The following NFIA variants were observed in gnomAD, a reference collection of about 807,000 sequenced individuals.
NFIA encodes the protein nuclear factor 1 A-type.
In NFIA, 8 loss-of-function variants were observed where a neutral mutation model predicts 62.8. That is an observed-to-expected ratio of 0.13 (90% CI 0.07 to 0.23). The LOEUF (loss-of-function observed/expected upper bound fraction) is 0.23, where lower values mean the gene tolerates loss of function less well. Ranked by LOEUF, NFIA falls within the 10% of genes least tolerant of loss-of-function variation. The pLI, the probability that NFIA is intolerant of heterozygous loss-of-function variation, is 1.00. For synonymous variants in NFIA, 235 were observed against 238.1 expected, an observed-to-expected ratio of 0.99 and a Z score of 0.12; for missense variants, 410 against 642.1, an observed-to-expected ratio of 0.64 and a Z score of 3.91.
chr1:61,202,319 G>C (rs1454332728), intron 2 of NFIA, among the ~76,000 whole-genome samples: 1 of 152,098 alleles, frequency 6.6e-6, no homozygotes, highest in Non-Finnish European at 1.5e-5. Flanking sequence ...CCTTCACCTT[G>C]GTCAAAATAT....
intron 6 of NFIA, among the ~76,000 whole-genome samples, chr1:61,372,178 A>C (rs2100465321): frequency 6.6e-6 from 1 of 152,302 alleles, no homozygotes; most frequent in African/African-American, 2.4e-5. Context: ...GTGAATCATT[A>C]ACTCCAATAT....
At chr1:61,332,806 G>A (rs1661366217) in intron 4 of NFIA, among the ~76,000 whole-genome samples, 1 of 152,112 alleles carries the variant, frequency 6.6e-6, no homozygotes, top group African/African-American at 2.4e-5. Context: ...AAAATCCTGA[G>A]GGTCTCATAT....
At chr1:61,329,535 A>C (rs1661174828) in intron 3 of NFIA, among the ~76,000 whole-genome samples, 1 of 151,892 alleles carries the variant, frequency 6.6e-6, no homozygotes, top group South Asian at 2.1e-4. Context: ...GGCGCTCGCC[A>C]CCATGCCCAG....
rs1234825695 is a variant in NFIA at position 61,461,080 on chromosome 1, G to A, written c.*5760G>A. ...TTGATTTCAGAAATCAGTACCTGGC[G>A]AGATTTTTGTCTCAAAACGACTATT... On this transcript the variant is annotated 3_prime_UTR_variant, in exon 11 of 11. Coordinates refer to ENST00000403491, the MANE Select transcript of NFIA (RefSeq NM_001134673.4). 2.6e-5 allele frequency: 4 copies of A among 152,078 alleles called. No homozygotes were observed. The highest frequency in any genetic ancestry group is 7.2e-5 in the African/African-American group (3 of 41,404). 9.4% of individuals were successfully genotyped at this position (152,078 alleles called of 1,614,324 possible). A position where few individuals can be genotyped will look rare whatever the true frequency, so the allele number is the denominator to read the frequency against.
At chr1:61,193,745 G>A (rs897238804) in intron 2 of NFIA, among the ~76,000 whole-genome samples, 2 of 152,152 alleles carry the variant, frequency 1.3e-5, no homozygotes, top group Admixed American at 6.5e-5. Flanking sequence ...AATTCTGATG[G>A]TTAATGCATT....
Position 61,359,129 on chromosome 1 carries a change from A to T in NFIA, c.819-18A>T, listed in dbSNP as rs1663145148. 1 of 1,612,158 alleles carries T rather than the reference A, an allele frequency of 6.2e-7. No homozygotes were observed. The highest frequency in any genetic ancestry group is 8.5e-7 in the Non-Finnish European group (1 of 1,179,336). On this transcript the variant is annotated intron_variant, in intron 5 of 10. Coordinates refer to ENST00000403491, the MANE Select transcript of NFIA (RefSeq NM_001134673.4). ...TGGTTGCGATTGCTTTTAAACATGC[A>T]CCCATTTGTTATTTCAGCTCCACAA...
At chr1:61,148,124 G>C (rs576987412) in intron 2 of NFIA, among the ~76,000 whole-genome samples, 2 of 152,160 alleles carry the variant, frequency 1.3e-5, no homozygotes, top group African/African-American at 4.8e-5. Flanking sequence ...CTGAGACGTT[G>C]CTAACCCATC....
intron 10 of NFIA, among the ~76,000 whole-genome samples, chr1:61,450,212 A>G (rs1260041045): frequency 6.6e-6 from 1 of 152,224 alleles, no homozygotes; most frequent in Non-Finnish European, 1.5e-5. Flanking sequence ...CCTAGCACAT[A>G]GAAGGCCCTT....
At chr1:61,286,595 T>C (rs574251092) in intron 3 of NFIA, among the ~76,000 whole-genome samples, 1 of 152,282 alleles carries the variant, frequency 6.6e-6, no homozygotes, top group African/African-American at 2.4e-5. Flanking sequence ...ATTTATCAAA[T>C]ACACTCTAAG....
chr1:61,448,342 G>A (rs1667912465), intron 10 of NFIA, among the ~76,000 whole-genome samples: 1 of 152,172 alleles, frequency 6.6e-6, no homozygotes, highest in Non-Finnish European at 1.5e-5. Context: ...TGCAACTGGG[G>A]AAATGGAATT....
chr1:61,083,803 G>A (rs1646167771), intron 1 of NFIA, among the ~76,000 whole-genome samples: 1 of 151,170 alleles, frequency 6.6e-6, no homozygotes, highest in Non-Finnish European at 1.5e-5. Flanking sequence ...GCGCGACTCC[G>A]GCCGCTCCGC....
intron 10 of NFIA, among the ~76,000 whole-genome samples, chr1:61,443,661 T>G (rs954123253): frequency 1.3e-5 from 2 of 152,220 alleles, no homozygotes; most frequent in African/African-American, 4.8e-5. Context: ...GAGGTTACAG[T>G]TACTATTAGT....
At chr1:61,083,377 C>T (rs917698851) in intron 1 of NFIA, among the ~76,000 whole-genome samples, 7 of 152,128 alleles carry the variant, frequency 4.6e-5, no homozygotes, top group African/African-American at 1.4e-4. Context: ...GCTGCCGCAG[C>T]CCCCCGCCGT....
At chr1:61,365,054 G>C (rs1206699806) in intron 6 of NFIA, among the ~76,000 whole-genome samples, 1 of 152,184 alleles carries the variant, frequency 6.6e-6, no homozygotes, top group Non-Finnish European at 1.5e-5. Flanking sequence ...ATGCATAATG[G>C]TGTGTGCCCG....
chr1:61,109,489 G>A (rs991486426), intron 2 of NFIA, among the ~76,000 whole-genome samples: 1 of 61,196 alleles, frequency 1.6e-5, no homozygotes, highest in African/African-American at 4.3e-5. Context: ...AATCTCTTAT[G>A]AGTATTTTTT....
chr1:61,183,181 C>G (rs1650872745), intron 2 of NFIA, among the ~76,000 whole-genome samples: 1 of 152,008 alleles, frequency 6.6e-6, no homozygotes, highest in Non-Finnish European at 1.5e-5. Flanking sequence ...TCAGAGGTTT[C>G]TTTTAATTTC....
intron 2 of NFIA, among the ~76,000 whole-genome samples, chr1:61,245,500 ATAAT>A (rs1655584148): frequency 6.6e-6 from 1 of 152,136 alleles, no homozygotes; most frequent in African/African-American, 2.4e-5. Flanking sequence ...AATTCTATTA[ATAAT>A]TGATTATTAT....
At chr1:61,342,793 CT>C (rs1245677387) in intron 4 of NFIA, among the ~76,000 whole-genome samples, 1 of 152,240 alleles carries the variant, frequency 6.6e-6, no homozygotes, top group African/African-American at 2.4e-5. Context: ...GTGAATTTCA[CT>C]CCTGTTTCTT....
At chr1:61,404,421 G>A (rs1665720541) in intron 8 of NFIA, 139 bp downstream of exon 8, 1 of 942,136 alleles carries the variant, frequency 1.1e-6, no homozygotes, top group Middle Eastern at 3.3e-4. Flanking sequence ...ATTTATTCTA[G>A]ATTGTGGGAA....
Sources: allele counts gnomAD v4.1 joint callset (sites outside exome capture counted in the v4.1 genomes callset), GRCh38; gene constraint gnomAD v4.1.1; transcripts MANE v1.5; gene names NCBI Gene and HGNC (gene_info 2026-07-23, HGNC 2026-07-21).